The following KIF1B variants were observed in gnomAD, a reference collection of about 807,000 sequenced individuals.
KIF1B encodes kinesin-like protein KIF1B.
A neutral mutation model predicts 241.9 loss-of-function variants in KIF1B; 76 were observed. The observed-to-expected ratio is 0.31, with a 90% confidence interval of 0.26 to 0.38. The LOEUF (loss-of-function observed/expected upper bound fraction) is 0.38. KIF1B is among the 10% of genes least tolerant of loss of function. The pLI is 1.00. For synonymous variants in KIF1B, 750 were observed against 796.7 expected (o/e 0.94, Z 0.99); for missense variants, 1,622 against 2,271.4 (o/e 0.71, Z 5.81).
In KIF1B at chr1:10,303,456, G is replaced by C. The variant is rs1650645662; in HGVS notation, c.2115+6210G>C. The C allele has an allele frequency of 1.9e-6, 3 of 1,614,242 alleles. No individual in the cohort carries two copies. The highest frequency in any genetic ancestry group is 3.3e-4 in the Middle Eastern group (2 of 6,062). ...TCAATGACTTCAGGCACAGTCGGCA[G>C]GAGATTGAAGCCCTGGCCATTGTCA... is the stretch of plus-strand genomic sequence containing the variant. On this transcript the variant is annotated intron_variant, in intron 22 of 48. Transcript: ENST00000676179. This position sits in a 1 kb window ranked among gnomAD's most constrained non-coding sequence, Gnocchi z 5.2.
chr1:10,343,465 T>A (rs1263604928), intron 34 of KIF1B, among the ~76,000 whole-genome samples, 178 bp downstream of exon 34: 1 of 152,086 alleles, frequency 6.6e-6, no homozygotes, highest in Admixed American at 6.5e-5. Flanking sequence ...TGATTTAAAA[T>A]AAGAAGTAAA....
intron 33 of KIF1B, among the ~76,000 whole-genome samples, chr1:10,342,727 A>G (rs6541089): frequency 0.35 from 52,813 of 152,090 alleles, 9,330 homozygotes; most frequent in Admixed American, 0.38. Flanking sequence ...GAATTAAAAC[A>G]TGCTATTGAT....
chr1:10,375,239 T>G lies in KIF1B; in HGVS notation c.5290-16T>G. ...CTCTGTAGTAACTTTCTTGTCTACCTGCATTTTTCTTTCAGACACCAAACA... is the reference window on the plus strand; with the variant it reads ...CTCTGTAGTAACTTTCTTGTCTACCGGCATTTTTCTTTCAGACACCAAACA... On this transcript the variant is annotated splice_polypyrimidine_tract_variant and intron_variant, in intron 47 of 48. Coordinates refer to ENST00000676179, the MANE Select transcript of KIF1B (RefSeq NM_001365951.3). 6.2e-7 allele frequency: 1 copy of G among 1,605,120 alleles called. No individual in the cohort carries two copies. Among genetic ancestry groups the G allele is most frequent in the East Asian group, 2.2e-5 (1 of 44,848 alleles).
In KIF1B at chr1:10,282,797, G is replaced by A. The variant is rs1028487973; in HGVS notation, c.1434+264G>A. Among the ~76,000 whole-genome samples the A allele has an allele frequency of 9.2e-5, 14 of 152,324 alleles. 1 individual carries two copies. Among genetic ancestry groups the A allele is most frequent in the Admixed American group, 4.6e-4 (7 of 15,304 alleles). ...GAGTAACAGATTAATAGATGTGTAC[G>A]TTAATTCTGGGATAGTACATCAAGT... On this transcript the variant is annotated intron_variant, in intron 15 of 48. Transcript: ENST00000676179.
intron 1 of KIF1B, 112 bp from the exon 2 acceptor site, chr1:10,232,138 G>T: frequency 1.8e-6 from 1 of 564,444 alleles, no homozygotes; most frequent in Non-Finnish European, 3.2e-6. Context: ...GATGAATATC[G>T]TTTTTATAAA....
At position 10,326,841 on chromosome 1, in the gene KIF1B, G is replaced by T. The variant is rs1466332087; in HGVS notation, c.2924+482G>T. 1.3e-5 allele frequency among the ~76,000 whole-genome samples: 2 copies of T among 152,220 alleles called. No individual in the cohort carries two copies. The highest frequency in any genetic ancestry group is 2.1e-4 in the South Asian group (1 of 4,832). ...CTGCAGGAGTCAGAGGACAAAAGTA[G>T]ATTCAGGAGTAGAGTTAAATTTATT... On this transcript the variant is annotated intron_variant, in intron 27 of 48. Coordinates refer to ENST00000676179, the MANE Select transcript of KIF1B (RefSeq NM_001365951.3). The surrounding 1 kb of genome is among the most constrained non-coding windows in gnomAD (Gnocchi z 5.2).
chr1:10,341,309 C>T (rs1431707780), intron 32 of KIF1B, among the ~76,000 whole-genome samples: 1 of 152,188 alleles, frequency 6.6e-6, no homozygotes, highest in Non-Finnish European at 1.5e-5. Flanking sequence ...AGGAAGCTCC[C>T]TGAAGGATGT....
At chr1:10,345,580 C>T (rs1338817652) in intron 34 of KIF1B, 3 of 443,788 alleles carry the variant, frequency 6.8e-6, no homozygotes, top group African/African-American at 6.0e-5. Flanking sequence ...TTATTCTACA[C>T]AAAAGCTGTT....
At chr1:10,231,201 A>C (rs1646977772) in intron 1 of KIF1B, among the ~76,000 whole-genome samples, 1 of 151,948 alleles carries the variant, frequency 6.6e-6, no homozygotes, top group African/African-American at 2.4e-5. Context: ...CAAGAGCAAA[A>C]CTCCGTCTTA....
intron 2 of KIF1B, among the ~76,000 whole-genome samples, chr1:10,244,575 G>A (rs1470315867): frequency 6.7e-6 from 1 of 149,422 alleles, no homozygotes; most frequent in Non-Finnish European, 1.5e-5. Context: ...GCCTCCCAAA[G>A]TGCTGGGATT....
At chr1:10,369,200 AT>A (rs1420829904) in intron 44 of KIF1B, among the ~76,000 whole-genome samples, 1 of 152,206 alleles carries the variant, frequency 6.6e-6, no homozygotes, top group African/African-American at 2.4e-5. Context: ...TATAGCACTA[AT>A]TACTACCTGA....
At position 10,303,408 on chromosome 1, in the gene KIF1B, A is replaced by G; in HGVS notation, c.2115+6162A>G. 1 of 1,614,240 alleles carries G rather than the reference A, an allele frequency of 6.2e-7. No homozygotes were observed. Among genetic ancestry groups the G allele is most frequent in the Non-Finnish European group, 8.5e-7 (1 of 1,180,044 alleles). On this transcript the variant is annotated intron_variant, in intron 22 of 48. Transcript: ENST00000676179. This position sits in a 1 kb window ranked among gnomAD's most constrained non-coding sequence, Gnocchi z 5.2. ...CAGATCTTAAAATTCAGGCTGTCAA[A>G]GAGATTTGCTATGAGGTTGCTCTCA...
chr1:10,242,092 A>G (rs1647145492), intron 2 of KIF1B, among the ~76,000 whole-genome samples: 1 of 152,196 alleles, frequency 6.6e-6, no homozygotes, highest in East Asian at 1.9e-4. Flanking sequence ...AATAAGAAAT[A>G]CGAAGTTAGG....
chr1:10,252,178 T>C (rs895170041), intron 2 of KIF1B, among the ~76,000 whole-genome samples: 5 of 152,084 alleles, frequency 3.3e-5, no homozygotes, highest in African/African-American at 1.2e-4. Flanking sequence ...TAGCTGGGAT[T>C]ACAGGTGCGT....
intron 38 of KIF1B, among the ~76,000 whole-genome samples, chr1:10,359,935 A>G (rs1638368383): frequency 6.6e-6 from 1 of 152,126 alleles, no homozygotes; most frequent in Non-Finnish European, 1.5e-5. Context: ...CAGGAGGCTG[A>G]GTCAAGAGAA....
At chr1:10,269,875 TTA>T (rs1219346798) in intron 7 of KIF1B, among the ~76,000 whole-genome samples, 1 of 152,170 alleles carries the variant, frequency 6.6e-6, no homozygotes. Flanking sequence ...TAGCCAGAGG[TTA>T]TAATATTAGT....
chr1:10,296,182 G>GT (rs1557695441), intron 19 of KIF1B, among the ~76,000 whole-genome samples: 1 of 152,140 alleles, frequency 6.6e-6, no homozygotes, highest in Middle Eastern at 3.4e-3. Flanking sequence ...CAATTTAATG[G>GT]TTTTTTTCTG....
chr1:10,353,937 G>C (rs931487713), intron 38 of KIF1B, among the ~76,000 whole-genome samples: 4 of 152,042 alleles, frequency 2.6e-5, no homozygotes, highest in African/African-American at 4.8e-5. Context: ...TGTTCAGCCG[G>C]GTTTTACCAC....
intron 22 of KIF1B, chr1:10,304,176 G>C (rs747400457): frequency 6.2e-7 from 1 of 1,614,118 alleles, no homozygotes; most frequent in Admixed American, 1.7e-5. Context: ...ATGAAGCAAG[G>C]AAAGGGAATA....
Sources: allele counts gnomAD v4.1 joint callset (sites outside exome capture counted in the v4.1 genomes callset), GRCh38; gene constraint gnomAD v4.1.1; non-coding constraint Gnocchi (gnomAD v3.1); transcripts MANE v1.5; gene names NCBI Gene and HGNC (gene_info 2026-07-23, HGNC 2026-07-21).